The following LHPP variants were observed in gnomAD, a reference collection of about 807,000 sequenced individuals.
LHPP encodes hLHPP.
In LHPP, 24 loss-of-function variants were observed where a neutral mutation model predicts 30.3. That is an observed-to-expected ratio of 0.79 (90% confidence interval 0.57 to 1.11). The LOEUF is 1.11. LHPP is among the 50% of genes most tolerant of loss of function. The pLI is 0.00. For missense variants in LHPP, 356 were observed against 367.2 expected (o/e 0.97, Z 0.25); for synonymous variants, 150 against 157.1 (o/e 0.95, Z 0.34).
chr10:124,574,194 CGCGCA>C (rs1948626853), intron 6 of LHPP, among the ~76,000 whole-genome samples: 1 of 152,212 alleles, frequency 6.6e-6, no homozygotes. Flanking sequence ...TATTTGCTGC[CGCGCA>C]GAACAGTAAG....
chr10:124,612,952 T>C (rs1949220886), intron 6 of LHPP: 1 of 420,806 alleles, frequency 2.4e-6, no homozygotes, highest in East Asian at 4.6e-5. Context: ...CCATCCAAGG[T>C]GAGATGTCTG....
chr10:124,530,452 C>T (rs895008132), intron 6 of LHPP, among the ~76,000 whole-genome samples: 4 of 152,158 alleles, frequency 2.6e-5, no homozygotes, highest in Non-Finnish European at 5.9e-5. Flanking sequence ...CATGTGCGCA[C>T]GCCAGGCCCC....
intron 6 of LHPP, among the ~76,000 whole-genome samples, chr10:124,595,332 G>A (rs1418534011): frequency 3.3e-5 from 5 of 152,228 alleles, no homozygotes; most frequent in South Asian, 4.1e-4. Flanking sequence ...CCCAGAGCCC[G>A]GTTGTCCCCC....
intron 6 of LHPP, among the ~76,000 whole-genome samples, chr10:124,584,795 T>A (rs964640951): frequency 6.6e-6 from 1 of 152,194 alleles, no homozygotes; most frequent in Admixed American, 6.6e-5. Context: ...TAATTTCTTT[T>A]AACAAGTATC....
Position 124,524,274 on chromosome 10 carries a change from CATTT to C in LHPP, c.716+7004_716+7007del, listed in dbSNP as rs1954678180. Among the ~76,000 whole-genome samples, 8 of 143,864 alleles carry C rather than the reference CATTT, an allele frequency of 5.6e-5. No homozygotes were observed. The South Asian group carries it at 1.8e-3, about 33-fold the overall frequency. 94.4% of individuals were successfully genotyped at this position (143,864 alleles called of 152,430 possible). A position where few individuals can be genotyped will look rare whatever the true frequency, so the allele number is the denominator to read the frequency against. On this transcript the variant is annotated intron_variant, in intron 6 of 6. Transcript: ENST00000368842. ...TGTCATACTTTCTTTCTTTTGTTTT[CATTT>C]TTTTTTTTTTTTTTTTGAGACAGAG...
chr10:124,481,493 C>T (rs917833236), intron 1 of LHPP, among the ~76,000 whole-genome samples: 1 of 150,908 alleles, frequency 6.6e-6, no homozygotes, highest in African/African-American at 2.4e-5. Context: ...TCTTCTACCT[C>T]AGCCTCCCGA....
chr10:124,562,639 T>C lies in LHPP; in HGVS notation c.716+45368T>C, dbSNP rs141883495. On this transcript the variant is annotated intron_variant, in intron 6 of 6. Transcript: ENST00000368842. ...AGACATCACTACACACCTATCAGAA[T>C]GGCTAAAATAGGCCAGGCGTGGTGG... Among the ~76,000 whole-genome samples the C allele has an allele frequency of 1.2e-4, 18 of 152,168 alleles. No homozygotes were observed. The East Asian group carries it at 3.1e-3, about 26-fold the overall frequency.
At chr10:124,547,944 G>A (rs1955393830) in intron 6 of LHPP, among the ~76,000 whole-genome samples, 1 of 152,204 alleles carries the variant, frequency 6.6e-6, no homozygotes, top group East Asian at 1.9e-4. Context: ...GTCCAGGCAG[G>A]GCAGCCTCTG....
intron 6 of LHPP, among the ~76,000 whole-genome samples, chr10:124,602,760 C>G (rs1473928914): frequency 6.6e-6 from 1 of 152,158 alleles, no homozygotes; most frequent in Non-Finnish European, 1.5e-5. Context: ...TCAGTTAGCC[C>G]AGCCCTGCCC....
chr10:124,494,563 GA>G (rs1420403131), intron 3 of LHPP, among the ~76,000 whole-genome samples: 1 of 152,206 alleles, frequency 6.6e-6, no homozygotes, highest in Non-Finnish European at 1.5e-5. Flanking sequence ...GGCAGGAGGG[GA>G]CGAGGGTCAT....
Position 124,585,507 on chromosome 10 carries a change from C to T in LHPP, c.717-27757C>T, listed in dbSNP as rs930705776. 9.3e-5 allele frequency among the ~76,000 whole-genome samples: 14 copies of T among 151,192 alleles called. No individual in the cohort carries two copies. In the South Asian group the frequency reaches 2.5e-3, roughly 27 times the overall value. On this transcript the variant is annotated intron_variant, in intron 6 of 6. Coordinates refer to ENST00000368842, the MANE Select transcript of LHPP (RefSeq NM_022126.4). The stretch of plus-strand genomic sequence containing the variant: ...GCTGGCGCCTGTAGTCCCAGCTACT[C>T]AGGAGGCTGAGGCAGGAGAATTGCT...
intron 6 of LHPP, among the ~76,000 whole-genome samples, chr10:124,522,728 C>CCG (rs957431259): frequency 1.8e-4 from 27 of 148,540 alleles, no homozygotes; most frequent in South Asian, 8.4e-4. Context: ...CCCACGCCCC[C>CCG]CCCCAAGCAC....
In LHPP at chr10:124,541,326, G is replaced by A. The variant is rs370574020; in HGVS notation, c.716+24055G>A. 4.8e-4 allele frequency among the ~76,000 whole-genome samples: 73 copies of A among 152,334 alleles called. No individual in the cohort carries two copies. The highest frequency in any genetic ancestry group is 1.7e-3 in the African/African-American group (69 of 41,582). ...TGATCAGAGGGAGGCTGACTTTATCGAGGGCTGCTTTGTGGCGGGCGTTCA... is the reference window on the plus strand; with the variant it reads ...TGATCAGAGGGAGGCTGACTTTATCAAGGGCTGCTTTGTGGCGGGCGTTCA... On this transcript the variant is annotated intron_variant, in intron 6 of 6. Coordinates refer to ENST00000368842, the MANE Select transcript of LHPP (RefSeq NM_022126.4). The surrounding 1 kb of genome is among the most constrained non-coding windows in gnomAD (Gnocchi z 4.2).
chr10:124,522,992 G>A (rs894029201), intron 6 of LHPP, among the ~76,000 whole-genome samples: 21 of 152,232 alleles, frequency 1.4e-4, no homozygotes, highest in Admixed American at 2.6e-4. Flanking sequence ...AAACCAGGCC[G>A]TGTGGCCTCT....
chr10:124,503,055 C>T (rs1265379124), intron 5 of LHPP, among the ~76,000 whole-genome samples: 1 of 151,604 alleles, frequency 6.6e-6, no homozygotes, highest in Admixed American at 6.6e-5. Flanking sequence ...ATTTTGGCAT[C>T]TCTTGATAAT....
intron 6 of LHPP, chr10:124,526,023 T>TA (rs35077984): frequency 0.34 from 74,922 of 221,758 alleles, 13,721 homozygotes; most frequent in Non-Finnish European, 0.39. Flanking sequence ...AGGACCCCTG[T>TA]AGGCAGCCTC....
chr10:124,575,123 C>G (rs1948640949), intron 6 of LHPP, among the ~76,000 whole-genome samples: 3 of 152,096 alleles, frequency 2.0e-5, no homozygotes, highest in African/African-American at 4.8e-5. Context: ...CCCCCCACCC[C>G]CAAATATTGA....
At chr10:124,521,546 GCT>G in intron 6 of LHPP, among the ~76,000 whole-genome samples, 1 of 152,206 alleles carries the variant, frequency 6.6e-6, no homozygotes, top group East Asian at 1.9e-4. Context: ...GGCCTTCCAG[GCT>G]CTGTCCTCTG....
At chr10:124,608,394 T>C (rs910401400) in intron 6 of LHPP, among the ~76,000 whole-genome samples, 1 of 152,198 alleles carries the variant, frequency 6.6e-6, no homozygotes, top group African/African-American at 2.4e-5. Context: ...AGTTTTCCAT[T>C]TTAGCCACAA....
Sources: allele counts gnomAD v4.1 joint callset (sites outside exome capture counted in the v4.1 genomes callset), GRCh38; gene constraint gnomAD v4.1.1; non-coding constraint Gnocchi (gnomAD v3.1); transcripts MANE v1.5; gene names NCBI Gene and HGNC (gene_info 2026-07-23, HGNC 2026-07-21).